The following THUMPD3 variants were observed in gnomAD, a reference collection of about 807,000 sequenced individuals.
THUMPD3 encodes THUMP domain 3 tRNA guanosine methyltransferase.
Under a neutral mutation model 54.5 loss-of-function variants are expected in THUMPD3, and 44 were observed. The observed-to-expected ratio is 0.81, with a 90% CI of 0.63 to 1.04. THUMPD3 has a LOEUF of 1.04. Among genes scored for constraint, THUMPD3 ranks in the 50% least tolerant of loss-of-function variants. The pLI is 0.00. For missense variants in THUMPD3, 604 were observed against 601.3 expected (o/e 1.00, Z -0.05); for synonymous variants, 196 against 201.4 (o/e 0.97, Z 0.23).
chr3:9,375,228 A>G (rs1008411153), intron 5 of THUMPD3, among the ~76,000 whole-genome samples: 1 of 152,192 alleles, frequency 6.6e-6, no homozygotes, highest in African/African-American at 2.4e-5. Flanking sequence ...TCTGTTTAGC[A>G]AGGATATGTG....
chr3:9,372,218 T>G (rs1211515108), intron 4 of THUMPD3, among the ~76,000 whole-genome samples: 1 of 152,212 alleles, frequency 6.6e-6, no homozygotes, highest in Admixed American at 6.5e-5. Flanking sequence ...ATTATAAAAT[T>G]CAACCAGAAT....
intron 2 of THUMPD3, among the ~76,000 whole-genome samples, chr3:9,366,392 G>A (rs893252403): frequency 6.6e-6 from 1 of 152,070 alleles, no homozygotes; most frequent in Non-Finnish European, 1.5e-5. Context: ...AATATCTGTG[G>A]GATGAATTGG....
At position 9,385,369 on chromosome 3, in the gene THUMPD3, T is replaced by A. The variant is rs1192522962; in HGVS notation, c.*681T>A. ...GAAGGGCAGAGAACATAATTACATC[T>A]TAGGCCACATTTCATTCTTTGCAGC... On this transcript the variant is annotated 3_prime_UTR_variant, in exon 10 of 10. Coordinates refer to ENST00000452837, the MANE Select transcript of THUMPD3 (RefSeq NM_001114092.2). 1 of 152,224 alleles carries A rather than the reference T, an allele frequency of 6.6e-6. No individual in the cohort carries two copies. The highest frequency in any genetic ancestry group is 1.5e-5 in the Non-Finnish European group (1 of 68,046). The allele number at this position is 152,224 out of a possible 1,614,324, so 9.4% of individuals were successfully genotyped here.
rs753006571 is a variant in THUMPD3, at chr3:9,380,492, T to C, written c.1009-11T>C. ...GCTACTTTTGTTTTAACATACACTCTTATCTTTTAGGGGGCCACTGAATGG... is the reference window on the plus strand; with the variant it reads ...GCTACTTTTGTTTTAACATACACTCCTATCTTTTAGGGGGCCACTGAATGG... On this transcript the variant is annotated splice_polypyrimidine_tract_variant and intron_variant, in intron 6 of 9. Transcript: ENST00000452837. 3.8e-6 allele frequency: 6 copies of C among 1,573,058 alleles called. No individual in the cohort carries two copies. Among genetic ancestry groups the C allele is most frequent in the Non-Finnish European group, 5.2e-6 (6 of 1,148,064 alleles).
intron 3 of THUMPD3, among the ~76,000 whole-genome samples, chr3:9,369,545 A>G (rs2031863742): frequency 6.6e-6 from 1 of 152,140 alleles, no homozygotes; most frequent in South Asian, 2.1e-4. Flanking sequence ...ACTTCAAAAA[A>G]ATTTTAGGTT....
intron 3 of THUMPD3, among the ~76,000 whole-genome samples, chr3:9,369,449 T>C (rs1358360815): frequency 1.3e-5 from 2 of 152,340 alleles, no homozygotes; most frequent in South Asian, 2.1e-4. Flanking sequence ...TAAAATAATT[T>C]ATACATGAAA....
chr3:9,366,903 C>T lies in THUMPD3; in HGVS notation c.253-5C>T, dbSNP rs781417906. 24 of 1,600,802 alleles carry T rather than the reference C, an allele frequency of 1.5e-5. No homozygotes were observed. The highest frequency in any genetic ancestry group is 7.7e-6 in the Non-Finnish European group (9 of 1,175,552). On this transcript the variant is annotated splice_region_variant and splice_polypyrimidine_tract_variant and intron_variant, in intron 2 of 9. Coordinates refer to ENST00000452837, the MANE Select transcript of THUMPD3 (RefSeq NM_001114092.2). The stretch of plus-strand genomic sequence containing the variant: ...CAGAAATGTGTTTCTTTTTTTTTCA[C>T]CCAGGTTCATTGTCTGAGATCAGTT...
chr3:9,364,252 A>G (rs2648537), intron 1 of THUMPD3, among the ~76,000 whole-genome samples: 19,640 of 151,964 alleles, frequency 0.13, 2,187 homozygotes, highest in East Asian at 0.34. Context: ...GCCATAAGTC[A>G]TTCAACCTAT....
At chr3:9,367,108 G>T in intron 3 of THUMPD3, 123 bp downstream of exon 3, 1 of 655,880 alleles carries the variant, frequency 1.5e-6, no homozygotes. Context: ...ATACTGGGAG[G>T]CTTTTACAGT....
chr3:9,369,443 A>G lies in THUMPD3; in HGVS notation c.331-1617A>G, dbSNP rs73113970. Among the ~76,000 whole-genome samples, 364 of 152,298 alleles carry G rather than the reference A, an allele frequency of 2.4e-3. 2 individuals are homozygous for G. The highest frequency in any genetic ancestry group is 8.6e-3 in the African/African-American group (357 of 41,556). On this transcript the variant is annotated intron_variant, in intron 3 of 9. Transcript: ENST00000452837. ...ACGGTAATTTTATATGATTTTTAAA[A>G]TAATTTATACATGAAACAAAGTTTG... is the stretch of plus-strand genomic sequence containing the variant.
chr3:9,374,689 G>T (rs1203895278), intron 5 of THUMPD3, 43 bp downstream of exon 5: 2 of 1,607,200 alleles, frequency 1.2e-6, no homozygotes, highest in South Asian at 2.2e-5. Context: ...TGGCACCTTG[G>T]TTTGAATGTT....
At chr3:9,372,796 T>A (rs372979381) in intron 4 of THUMPD3, among the ~76,000 whole-genome samples, 5 of 152,204 alleles carry the variant, frequency 3.3e-5, no homozygotes, top group African/African-American at 1.2e-4. Flanking sequence ...AGTATTTAAG[T>A]CTCTGACACC....
rs763868807 is a variant in THUMPD3 at position 9,374,682 on chromosome 3, C to T, written c.938+36C>T. ...GAGTTTGCCATCCAGCTTAAAGTGG[C>T]ACCTTGGTTTGAATGTTCCCTTCAA... On this transcript the variant is annotated intron_variant, in intron 5 of 9. Transcript: ENST00000452837. The T allele has an allele frequency of 1.2e-5, 19 of 1,609,238 alleles. No individual in the cohort carries two copies. In the East Asian group the frequency reaches 4.2e-4, roughly 36 times the overall value.
In THUMPD3 at chr3:9,386,002, G is replaced by A. The variant is rs1047214516; in HGVS notation, c.*1314G>A. ...ATTTTGGAGCCTCTGGCTGCAATCA[G>A]TATAGATTTTCAGTATCCTATTAGT... On this transcript the variant is annotated 3_prime_UTR_variant, in exon 10 of 10. Transcript: ENST00000452837. 6.6e-5 allele frequency: 10 copies of A among 152,136 alleles called. No homozygotes were observed. The South Asian group carries it at 8.3e-4, about 13-fold the overall frequency. The allele number at this position is 152,136 out of a possible 1,614,324, so 9.4% of individuals were successfully genotyped here.
In THUMPD3 at chr3:9,386,179, G is replaced by GAAAT. The variant is rs1194198571; in HGVS notation, c.*1494_*1497dup. The stretch of plus-strand genomic sequence containing the variant: ...CTACCCCACACTTCATAATGAATGG[G>GAAAT]AAATAAGATGTTTATGAAGGTTTTA... On this transcript the variant is annotated 3_prime_UTR_variant, in exon 10 of 10. Coordinates refer to ENST00000452837, the MANE Select transcript of THUMPD3 (RefSeq NM_001114092.2). 6.6e-6 allele frequency: 1 copy of GAAAT among 152,158 alleles called. No homozygotes were observed. Among genetic ancestry groups the GAAAT allele is most frequent in the Non-Finnish European group, 1.5e-5 (1 of 68,028 alleles). The allele number at this position is 152,158 out of a possible 1,614,324, so 9.4% of individuals were successfully genotyped here.
At chr3:9,375,115 C>T (rs1382204704) in intron 5 of THUMPD3, among the ~76,000 whole-genome samples, 1 of 152,132 alleles carries the variant, frequency 6.6e-6, no homozygotes, top group Non-Finnish European at 1.5e-5. Context: ...CCTCGGCCTC[C>T]CAAAGTGCTG....
rs1439631893 is a variant in THUMPD3, at chr3:9,371,279, A to G, written c.550A>G (p.Ile184Val). 1.2e-6 allele frequency: 2 copies of G among 1,613,922 alleles called. No homozygotes were observed. Among genetic ancestry groups the G allele is most frequent in the Non-Finnish European group, 1.7e-6 (2 of 1,179,942 alleles). Residue 184 changes from isoleucine (I) to valine (V), a missense_variant, in exon 4 of 10, where the codon ATC (isoleucine) becomes GTC (valine). Ile to Val is a conservative substitution (Grantham distance 29). Coordinates refer to ENST00000452837, the MANE Select transcript of THUMPD3 (RefSeq NM_001114092.2). ...CACTAGCCATGCTTTAGATTCTCAT[A>G]TCTTAGATTATTATGAAAATCCAGC... The part of the protein sequence containing the change: ...EFTSHALDSH[I>V]LDYYENPAIK...
chr3:9,369,491 C>T (rs906790048), intron 3 of THUMPD3, among the ~76,000 whole-genome samples: 3 of 152,020 alleles, frequency 2.0e-5, no homozygotes, highest in African/African-American at 7.2e-5. Flanking sequence ...CATCAGAAAG[C>T]AAAGGTGTCA....
intron 7 of THUMPD3, chr3:9,380,883 A>G (rs1438064675): frequency 3.9e-6 from 1 of 256,458 alleles, no homozygotes; most frequent in Non-Finnish European, 7.4e-6. Context: ...AGAATATTTT[A>G]TAGACTCATT....
Sources: gnomAD v4.1 joint callset for allele counts (sites outside exome capture counted in the v4.1 genomes callset) on GRCh38, gnomAD v4.1.1 for gene constraint, MANE v1.5 for transcripts, NCBI Gene and HGNC (gene_info 2026-07-23, HGNC 2026-07-21) for gene names.